The following RBMS3 variants were observed in gnomAD, a reference collection of about 807,000 sequenced individuals.
RBMS3 encodes RNA binding motif single stranded interacting protein 3.
A neutral mutation model predicts 66.8 loss-of-function variants in RBMS3; 27 were observed. The ratio of observed to expected loss-of-function variants is 0.40; its 90% CI spans 0.30 to 0.56. The LOEUF (loss-of-function observed/expected upper bound fraction) is 0.56. RBMS3 is among the 20% of genes least tolerant of loss of function. The probability of loss-of-function intolerance (pLI) is 0.40; values close to 1 mark genes in which losing one functional copy is unlikely to be tolerated. For missense variants in RBMS3, 513 were observed against 549.5 expected (o/e 0.93, Z 0.66); for synonymous variants, 188 against 183.0 (o/e 1.03, Z -0.22).
intron 4 of RBMS3, among the ~76,000 whole-genome samples, chr3:29,677,586 C>T (rs139464920): frequency 3.7e-4 from 56 of 152,216 alleles, no homozygotes; most frequent in African/African-American, 1.3e-3. Context: ...TATTCAAACG[C>T]TCATTGCAAA....
At chr3:29,962,944 A>G (rs1696581820) in intron 12 of RBMS3, among the ~76,000 whole-genome samples, 3 of 151,140 alleles carry the variant, frequency 2.0e-5, no homozygotes, top group Admixed American at 2.0e-4. Flanking sequence ...AATAGATTTT[A>G]TTGTGCATAT....
intron 3 of RBMS3, among the ~76,000 whole-genome samples, chr3:29,523,615 T>C (rs1205107076): frequency 6.6e-6 from 1 of 152,206 alleles, no homozygotes; most frequent in Non-Finnish European, 1.5e-5. Context: ...CAGTTATGAT[T>C]CTTGAAGCCT....
At chr3:29,987,356 G>A (rs185168833) in intron 12 of RBMS3, among the ~76,000 whole-genome samples, 19 of 152,318 alleles carry the variant, frequency 1.2e-4, no homozygotes, top group African/African-American at 3.8e-4. Context: ...TTATGCTTAT[G>A]TAACTGAACA....
At chr3:29,363,906 CAT>C (rs899893259) in intron 1 of RBMS3, among the ~76,000 whole-genome samples, 21 of 150,460 alleles carry the variant, frequency 1.4e-4, no homozygotes, top group African/African-American at 4.2e-4. Flanking sequence ...AAATTTAAAA[CAT>C]ATTATTTAAT....
intron 8 of RBMS3, among the ~76,000 whole-genome samples, chr3:29,892,238 T>C (rs1310532182): frequency 1.3e-5 from 2 of 151,554 alleles, no homozygotes; most frequent in South Asian, 2.1e-4. Context: ...TAGCTTAGAC[T>C]TCCGTGGATC....
At chr3:29,317,482 A>T (rs2034753747) in intron 1 of RBMS3, among the ~76,000 whole-genome samples, 1 of 151,762 alleles carries the variant, frequency 6.6e-6, no homozygotes, top group African/African-American at 2.4e-5. Context: ...GGAATGTGTA[A>T]TGAATTCACA....
rs1230004996 is a variant in RBMS3, at chr3:30,004,258, A to G, written c.*396A>G. On this transcript the variant is annotated 3_prime_UTR_variant, in exon 15 of 15. Transcript: ENST00000383767. ...CCTGATGTCAAGAGGTGGGCAATAG[A>G]AATGGAAACAAATTGTCTTCCTCAA... is the stretch of plus-strand genomic sequence containing the variant. 2 of 157,634 alleles carry G rather than the reference A, an allele frequency of 1.3e-5. No homozygotes were observed. Among genetic ancestry groups the G allele is most frequent in the Non-Finnish European group, 2.8e-5 (2 of 71,574 alleles). 9.8% of individuals were successfully genotyped at this position (157,634 alleles called of 1,614,324 possible).
chr3:29,639,847 AG>A (rs1426682512), intron 4 of RBMS3, among the ~76,000 whole-genome samples: 4 of 151,984 alleles, frequency 2.6e-5, no homozygotes, highest in Non-Finnish European at 5.9e-5. Flanking sequence ...AGGGAAAAGA[AG>A]AGACACTGAA....
intron 1 of RBMS3, among the ~76,000 whole-genome samples, chr3:29,411,999 A>G (rs1575744277): frequency 1.3e-5 from 2 of 152,366 alleles, no homozygotes; most frequent in South Asian, 4.1e-4. Flanking sequence ...AAGACTTTTG[A>G]AGAAGTCAAT....
intron 2 of RBMS3, among the ~76,000 whole-genome samples, chr3:29,445,817 C>T (rs1029124381): frequency 6.6e-6 from 1 of 152,088 alleles, no homozygotes; most frequent in African/African-American, 2.4e-5. Context: ...TTCGTTATAT[C>T]TCTAACACAG....
At chr3:29,748,511 TTAAAG>T (rs1333614364) in intron 5 of RBMS3, among the ~76,000 whole-genome samples, 1 of 152,142 alleles carries the variant, frequency 6.6e-6, no homozygotes, top group Non-Finnish European at 1.5e-5. Flanking sequence ...AGAATATACA[TTAAAG>T]TAATGTATTG....
At chr3:29,892,967 T>C (rs1232509107) in intron 8 of RBMS3, among the ~76,000 whole-genome samples, 1 of 151,310 alleles carries the variant, frequency 6.6e-6, no homozygotes, top group African/African-American at 2.4e-5. Flanking sequence ...AGTTCCCTCC[T>C]TGGAGTCTGG....
At chr3:29,316,457 A>G (rs1445033081) in intron 1 of RBMS3, among the ~76,000 whole-genome samples, 1 of 151,672 alleles carries the variant, frequency 6.6e-6, no homozygotes, top group Non-Finnish European at 1.5e-5. Context: ...TTCATATGGT[A>G]GTTACTATTA....
intron 4 of RBMS3, among the ~76,000 whole-genome samples, chr3:29,600,176 A>C (rs1165567557): frequency 6.6e-6 from 1 of 152,162 alleles, no homozygotes; most frequent in Middle Eastern, 3.4e-3. Flanking sequence ...TCCTTCTAGA[A>C]ACCCACCTTA....
chr3:29,541,822 C>G (rs1162198222), intron 3 of RBMS3, among the ~76,000 whole-genome samples: 1 of 152,116 alleles, frequency 6.6e-6, no homozygotes, highest in Non-Finnish European at 1.5e-5. Context: ...CTCACCTGCT[C>G]TATTCACTGC....
intron 4 of RBMS3, among the ~76,000 whole-genome samples, chr3:29,683,900 C>A (rs1421868728): frequency 1.3e-5 from 2 of 152,200 alleles, no homozygotes; most frequent in African/African-American, 2.4e-5. Context: ...ATCCCCAGAG[C>A]TGCTGGCTTG....
At chr3:29,433,340 G>A (rs1335159695) in intron 1 of RBMS3, among the ~76,000 whole-genome samples, 1 of 152,034 alleles carries the variant, frequency 6.6e-6, no homozygotes, top group African/African-American at 2.4e-5. Context: ...CCAGCCCAAA[G>A]TTTCCCCACT....
At chr3:29,838,145 T>C (rs1294311902) in intron 6 of RBMS3, among the ~76,000 whole-genome samples, 1 of 122,912 alleles carries the variant, frequency 8.1e-6, no homozygotes, top group Non-Finnish European at 1.6e-5. Flanking sequence ...ACAACCAGCC[T>C]GGGCAACATA....
At chr3:29,399,641 A>G (rs1339938150) in intron 1 of RBMS3, among the ~76,000 whole-genome samples, 1 of 152,172 alleles carries the variant, frequency 6.6e-6, no homozygotes, top group Non-Finnish European at 1.5e-5. Context: ...TAAAGGCTTC[A>G]GTAAAGCCAA....
Sources: gnomAD v4.1 joint callset for allele counts (sites outside exome capture counted in the v4.1 genomes callset) on GRCh38, gnomAD v4.1.1 for gene constraint, MANE v1.5 for transcripts, NCBI Gene and HGNC (gene_info 2026-07-23, HGNC 2026-07-21) for gene names.